Variants in MAD1L1 observed in about 807,000 individuals in gnomAD.
The protein encoded by MAD1L1 is mitotic arrest deficient 1 like 1, also known as mitotic spindle assembly checkpoint protein MAD1.
A neutral mutation model predicts 96.9 loss-of-function variants in MAD1L1; 95 were observed. The ratio of observed to expected loss-of-function variants is 0.98; its 90% CI spans 0.83 to 1.16. The LOEUF (loss-of-function observed/expected upper bound fraction) is 1.16. MAD1L1 is among the 50% of genes most tolerant of loss of function. The pLI is 0.00. For missense variants in MAD1L1, 1,007 were observed against 954.4 expected (o/e 1.06, Z -0.73); for synonymous variants, 473 against 396.6 (o/e 1.19, Z -2.29).
chr7:2,098,574 G>A (rs933456535), intron 11 of MAD1L1, among the ~76,000 whole-genome samples: 2 of 152,160 alleles, frequency 1.3e-5, no homozygotes, highest in Admixed American at 1.3e-4. Context: ...GGAAGGCTAC[G>A]CTAAGGACGG....
chr7:2,102,663 T>C (rs1786872950), intron 11 of MAD1L1, among the ~76,000 whole-genome samples: 1 of 142,456 alleles, frequency 7.0e-6, no homozygotes, highest in South Asian at 2.3e-4. Context: ...ATCTCCACTG[T>C]CACCAGCACT....
intron 18 of MAD1L1, among the ~76,000 whole-genome samples, chr7:1,873,336 G>T (rs1308499649): frequency 6.6e-6 from 1 of 152,202 alleles, no homozygotes; most frequent in African/African-American, 2.4e-5. Flanking sequence ...GCCCTAAATG[G>T]GGTTGTAATT....
intron 9 of MAD1L1, 59 bp downstream of exon 9, chr7:2,215,826 G>T: frequency 6.7e-7 from 1 of 1,497,712 alleles, no homozygotes; most frequent in Non-Finnish European, 9.3e-7. Context: ...ACAATACCGA[G>T]GCTCCTCCAG....
intron 17 of MAD1L1, among the ~76,000 whole-genome samples, chr7:1,916,007 G>C (rs1252658404): frequency 6.6e-6 from 1 of 152,240 alleles, no homozygotes; most frequent in Non-Finnish European, 1.5e-5. Context: ...GATTTAAGTA[G>C]GTATTTTGCA....
intron 16 of MAD1L1, among the ~76,000 whole-genome samples, chr7:1,945,633 G>T (rs2128468905): frequency 6.6e-6 from 1 of 152,330 alleles, no homozygotes; most frequent in Admixed American, 6.5e-5. Context: ...CAGACGCCAT[G>T]GGGTGCCGGG....
intron 6 of MAD1L1, 150 bp downstream of exon 6, chr7:2,219,182 G>C (rs1337014699): frequency 1.3e-6 from 1 of 751,378 alleles, no homozygotes; most frequent in Non-Finnish European, 2.1e-6. Context: ...CCTGGCTCCA[G>C]AGGCCTCAGC....
At chr7:1,940,987 C>CCCCCCGCAGGCCTCACCG (rs773956006) in intron 16 of MAD1L1, among the ~76,000 whole-genome samples, 1 of 149,782 alleles carries the variant, frequency 6.7e-6, no homozygotes, top group Non-Finnish European at 1.5e-5. Context: ...TCCTCTTCCT[C>CCCCCCGCAGGCCTCACCG]TCCCAGGCCT....
intron 11 of MAD1L1, among the ~76,000 whole-genome samples, chr7:2,075,680 G>T (rs1169805127): frequency 6.6e-6 from 1 of 152,142 alleles, no homozygotes; most frequent in Non-Finnish European, 1.5e-5. Flanking sequence ...GCCACTGCCG[G>T]CCACTTTAAT....
At chr7:2,179,035 T>A (rs574794352) in intron 10 of MAD1L1, among the ~76,000 whole-genome samples, 4 of 152,296 alleles carry the variant, frequency 2.6e-5, no homozygotes, top group South Asian at 2.1e-4. Flanking sequence ...CCTATGGAAG[T>A]TCACTCCACC....
chr7:1,907,209 C>G (rs890589273), intron 17 of MAD1L1, among the ~76,000 whole-genome samples: 8 of 152,222 alleles, frequency 5.3e-5, no homozygotes, highest in Admixed American at 2.6e-4. Flanking sequence ...TTGCCCCTGT[C>G]CCACGGTCCC....
intron 10 of MAD1L1, among the ~76,000 whole-genome samples, chr7:2,186,767 G>A (rs1791477907): frequency 6.6e-6 from 1 of 151,748 alleles, no homozygotes; most frequent in Admixed American, 6.6e-5. Context: ...AGGCAGTCTT[G>A]TAACATCAAA....
At chr7:2,169,363 GT>G (rs1456710712) in intron 10 of MAD1L1, among the ~76,000 whole-genome samples, 1 of 152,032 alleles carries the variant, frequency 6.6e-6, no homozygotes, top group Non-Finnish European at 1.5e-5. Flanking sequence ...AACATTACTT[GT>G]GCAATAAAAT....
At chr7:1,932,433 C>T (rs1789534613) in intron 17 of MAD1L1, among the ~76,000 whole-genome samples, 3 of 152,202 alleles carry the variant, frequency 2.0e-5, no homozygotes, top group Admixed American at 6.5e-5. Flanking sequence ...GGTGCGGGGC[C>T]GTCAAGTTTT....
intron 13 of MAD1L1, among the ~76,000 whole-genome samples, chr7:2,011,083 C>T (rs1185675569): frequency 7.2e-5 from 11 of 152,124 alleles, no homozygotes; most frequent in African/African-American, 2.7e-4. Flanking sequence ...GGGGGAGCAC[C>T]TGGGCTCTGT....
intron 12 of MAD1L1, among the ~76,000 whole-genome samples, chr7:2,055,893 C>T (rs1270961099): frequency 2.0e-5 from 3 of 152,130 alleles, no homozygotes; most frequent in East Asian, 1.9e-4. Flanking sequence ...GCTGGAGAAT[C>T]GCTTGAACCC....
intron 11 of MAD1L1, among the ~76,000 whole-genome samples, chr7:2,120,757 C>T (rs1415361628): frequency 4.6e-5 from 7 of 152,240 alleles, no homozygotes; most frequent in East Asian, 3.9e-4. Flanking sequence ...ACAGGGGGTG[C>T]GGGACAGGAG....
At chr7:1,937,414 C>T (rs987671335) in intron 16 of MAD1L1, among the ~76,000 whole-genome samples, 12 of 152,196 alleles carry the variant, frequency 7.9e-5, no homozygotes, top group African/African-American at 1.7e-4. Flanking sequence ...GAATGCGCCT[C>T]GCAACCTGAT....
intron 18 of MAD1L1, among the ~76,000 whole-genome samples, chr7:1,862,974 A>C (rs1784602068): frequency 1.3e-5 from 2 of 152,230 alleles, no homozygotes; most frequent in South Asian, 4.1e-4. Flanking sequence ...GGATCAGACA[A>C]GTCCCACATG....
intron 10 of MAD1L1, among the ~76,000 whole-genome samples, chr7:2,177,385 T>A (rs1790996445): frequency 6.6e-6 from 1 of 152,220 alleles, no homozygotes. Context: ...ACTTACCCAG[T>A]CTCTTCATTT....
Sources: allele counts gnomAD v4.1 joint callset (sites outside exome capture counted in the v4.1 genomes callset), GRCh38; gene constraint gnomAD v4.1.1; transcripts MANE v1.5; gene names NCBI Gene and HGNC (gene_info 2026-07-23, HGNC 2026-07-21).